The following SLC24A2 variants were observed in gnomAD, a reference collection of about 807,000 sequenced individuals.
SLC24A2 encodes sodium/potassium/calcium exchanger 2.
Under a neutral mutation model 62.0 loss-of-function variants are expected in SLC24A2, and 36 were observed. That is an observed-to-expected ratio of 0.58 (90% CI 0.44 to 0.77). The LOEUF is 0.77. Among genes scored for constraint, SLC24A2 ranks in the 30% least tolerant of loss-of-function variants. SLC24A2 has a pLI of 0.00. For missense variants in SLC24A2, 846 were observed against 817.9 expected (o/e 1.03, Z -0.42); for synonymous variants, 358 against 294.0 (o/e 1.22, Z -2.23).
chr9:19,565,868 G>A (rs1835629020), intron 7 of SLC24A2, among the ~76,000 whole-genome samples: 1 of 151,674 alleles, frequency 6.6e-6, no homozygotes, highest in Non-Finnish European at 1.5e-5. Flanking sequence ...ATGGGGAAAG[G>A]ATTCTCTATT....
the SLC24A2 span, among the ~76,000 whole-genome samples, chr9:20,038,828 G>C: frequency 2.2e-3 from 336 of 152,270 alleles, 2 homozygotes; most frequent in Admixed American, 6.5e-3. Flanking sequence ...TGGAGGCACA[G>C]AATAATTTCT....
At chr9:19,963,462 C>G in the SLC24A2 span, among the ~76,000 whole-genome samples, 1 of 150,144 alleles carries the variant, frequency 6.7e-6, no homozygotes, top group Non-Finnish European at 1.5e-5. Flanking sequence ...TTTTCGCAAC[C>G]TACTCATCTG....
At chr9:20,288,999 T>C in the SLC24A2 span, among the ~76,000 whole-genome samples, 1 of 151,958 alleles carries the variant, frequency 6.6e-6, no homozygotes, top group African/African-American at 2.4e-5. Flanking sequence ...CTTCAGATAA[T>C]TCCAGCCACT....
At chr9:19,896,010 G>C in the SLC24A2 span, 1 of 1,530,386 alleles carries the variant, frequency 6.5e-7, no homozygotes, top group African/African-American at 1.4e-5. Context: ...TGTGACGGCA[G>C]GGTCGTGGGA....
the SLC24A2 span, among the ~76,000 whole-genome samples, chr9:20,204,115 G>C: frequency 6.6e-6 from 1 of 152,106 alleles, no homozygotes; most frequent in East Asian, 1.9e-4. Context: ...ACTCCTAAAA[G>C]CCAAAAATTA....
the SLC24A2 span, among the ~76,000 whole-genome samples, chr9:20,125,121 C>T: frequency 1.5e-3 from 223 of 152,180 alleles, 2 homozygotes; most frequent in African/African-American, 5.2e-3. Flanking sequence ...CATAAGAGTT[C>T]CTTTAAAAAG....
chr9:19,892,447 A>G, the SLC24A2 span, among the ~76,000 whole-genome samples: 5 of 152,204 alleles, frequency 3.3e-5, no homozygotes, highest in South Asian at 4.1e-4. Flanking sequence ...TCTTCACAAT[A>G]TTCTTAGTGC....
the SLC24A2 span, among the ~76,000 whole-genome samples, chr9:20,219,478 G>C: frequency 6.6e-6 from 1 of 152,152 alleles, no homozygotes; most frequent in African/African-American, 2.4e-5. Flanking sequence ...AGCCAATCTT[G>C]GAGATTATAA....
chr9:19,771,603 G>A (rs1479975896), intron 2 of SLC24A2, among the ~76,000 whole-genome samples: 1 of 152,200 alleles, frequency 6.6e-6, no homozygotes, highest in East Asian at 1.9e-4. Context: ...CATGCCACCA[G>A]TTACTGTGTA....
At chr9:19,528,358 G>A (rs569409336) in intron 8 of SLC24A2, among the ~76,000 whole-genome samples, 22 of 152,286 alleles carry the variant, frequency 1.4e-4, no homozygotes, top group Admixed American at 1.1e-3. Flanking sequence ...TCACAGTGCT[G>A]GCTCCTGAGA....
At chr9:19,854,002 G>A in the SLC24A2 span, among the ~76,000 whole-genome samples, 4 of 152,122 alleles carry the variant, frequency 2.6e-5, no homozygotes, top group African/African-American at 9.7e-5. Context: ...TTTATTCAGG[G>A]ATTCAGCTTC....
chr9:20,271,245 T>C, the SLC24A2 span, among the ~76,000 whole-genome samples: 1 of 152,224 alleles, frequency 6.6e-6, no homozygotes. Context: ...TGCTGCTTTG[T>C]AGATCATTAA....
chr9:19,999,253 A>G, the SLC24A2 span, among the ~76,000 whole-genome samples: 4 of 152,200 alleles, frequency 2.6e-5, no homozygotes, highest in Non-Finnish European at 5.9e-5. Flanking sequence ...TTTATTATCC[A>G]TGTTCATTAA....
intron 5 of SLC24A2, among the ~76,000 whole-genome samples, chr9:19,577,787 T>A (rs1836069375): frequency 6.6e-6 from 1 of 150,944 alleles, no homozygotes; most frequent in Non-Finnish European, 1.5e-5. Context: ...CTAACCCAAA[T>A]GGCCATCAAT....
At chr9:19,761,467 T>TA (rs1822326371) in intron 2 of SLC24A2, among the ~76,000 whole-genome samples, 1 of 150,194 alleles carries the variant, frequency 6.7e-6, no homozygotes, top group Non-Finnish European at 1.5e-5. Flanking sequence ...TTTTTTAATT[T>TA]TTTTATTTTA....
At chr9:19,545,845 G>A (rs1449942520) in intron 8 of SLC24A2, among the ~76,000 whole-genome samples, 1 of 152,058 alleles carries the variant, frequency 6.6e-6, no homozygotes, top group African/African-American at 2.4e-5. Context: ...CACTGTGTTA[G>A]CCAGGATGGT....
chr9:20,059,754 A>G, the SLC24A2 span, among the ~76,000 whole-genome samples: 1 of 152,102 alleles, frequency 6.6e-6, no homozygotes, highest in Non-Finnish European at 1.5e-5. Context: ...AACTAGAAGA[A>G]GTTCAAACTA....
At chr9:20,223,736 A>G in the SLC24A2 span, among the ~76,000 whole-genome samples, 1 of 152,168 alleles carries the variant, frequency 6.6e-6, no homozygotes, top group Non-Finnish European at 1.5e-5. Context: ...GATAAGACAG[A>G]TGATTATTTA....
At chr9:20,128,584 C>G in the SLC24A2 span, among the ~76,000 whole-genome samples, 1 of 151,998 alleles carries the variant, frequency 6.6e-6, no homozygotes, top group East Asian at 1.9e-4. Context: ...GTCTTTTTCC[C>G]CAGGATCTCA....
Sources: allele counts gnomAD v4.1 joint callset (sites outside exome capture counted in the v4.1 genomes callset), GRCh38; gene constraint gnomAD v4.1.1; transcripts MANE v1.5; gene names NCBI Gene and HGNC (gene_info 2026-07-23, HGNC 2026-07-21).